KLHL8: variants seen among roughly 807,000 people sequenced by gnomAD.
KLHL8 encodes kelch like family member 8, also known as kelch-like protein 8.
Under a neutral mutation model 63.5 loss-of-function variants are expected in KLHL8, and 38 were observed. That is an observed-to-expected ratio of 0.60 (90% CI 0.46 to 0.78). The LOEUF is 0.78. KLHL8 is among the 30% of genes least tolerant of loss of function. The pLI, the probability that KLHL8 is intolerant of heterozygous loss-of-function variation, is 0.00. For synonymous variants in KLHL8, 224 were observed against 254.3 expected, an observed-to-expected ratio of 0.88 and a Z score of 1.13; for missense variants, 566 against 752.4, an observed-to-expected ratio of 0.75 and a Z score of 2.90.
chr4:87,163,822 T>A, intron 9 of KLHL8, 56 bp downstream of exon 9: 4 of 1,564,020 alleles, frequency 2.6e-6, no homozygotes, highest in Non-Finnish European at 3.5e-6. Flanking sequence ...CACTCTGAAG[T>A]AATCTACTAT....
upstream of KLHL8, among the ~76,000 whole-genome samples, chr4:87,223,514 C>T (rs138012422): frequency 1.1e-3 from 163 of 152,200 alleles, no homozygotes; most frequent in African/African-American, 3.5e-3. Flanking sequence ...TGAATAGTCC[C>T]TGCTCTCATG....
At chr4:87,207,588 T>A in intron 1 of KLHL8, 1 of 1,198,706 alleles carries the variant, frequency 8.3e-7, no homozygotes, top group Non-Finnish European at 1.2e-6. Flanking sequence ...ATGACAACTT[T>A]GGTATCGTGG....
chr4:87,194,959 T>C (rs1731636483), intron 2 of KLHL8, among the ~76,000 whole-genome samples: 1 of 152,200 alleles, frequency 6.6e-6, no homozygotes, highest in Non-Finnish European at 1.5e-5. Flanking sequence ...CTTACTTCTG[T>C]ATTCAGAGTA....
chr4:87,223,125 G>GTCTGT (rs1553950066), upstream of KLHL8, among the ~76,000 whole-genome samples: 1 of 147,712 alleles, frequency 6.8e-6, no homozygotes, highest in Non-Finnish European at 1.5e-5. Context: ...TAATTTTTTT[G>GTCTGT]TTTGTTTTGT....
At position 87,195,620 on chromosome 4, in the gene KLHL8, G is replaced by A; in HGVS notation, c.-81C>T. 2 of 1,149,550 alleles carry A rather than the reference G, an allele frequency of 1.7e-6. No individual in the cohort carries two copies. Among genetic ancestry groups the A allele is most frequent in the Non-Finnish European group, 2.6e-6 (2 of 779,706 alleles). The allele number at this position is 1,149,550 out of a possible 1,614,324, so 71.2% of individuals were successfully genotyped here. ...TTCAAAGGGTAGAGAGAAGGCAGAAGGTAGATGTAGACACTACAATTCAGA... is the reference window on the plus strand; with the variant it reads ...TTCAAAGGGTAGAGAGAAGGCAGAAAGTAGATGTAGACACTACAATTCAGA... On this transcript the variant is annotated 5_prime_UTR_variant, in exon 2 of 10. Coordinates refer to ENST00000273963, the MANE Select transcript of KLHL8 (RefSeq NM_020803.5).
intron 7 of KLHL8, 60 bp downstream of exon 7, chr4:87,170,387 C>T: frequency 6.6e-7 from 1 of 1,520,064 alleles, no homozygotes; most frequent in Non-Finnish European, 8.9e-7. Flanking sequence ...TGGACCTTTC[C>T]TTATTTTGGT....
At chr4:87,195,923 T>C (rs990775263) in intron 1 of KLHL8, among the ~76,000 whole-genome samples, 3 of 152,146 alleles carry the variant, frequency 2.0e-5, no homozygotes, top group Admixed American at 6.5e-5. Context: ...CACATGACTT[T>C]TGAGATGTGT....
At chr4:87,199,537 C>G (rs1437958620) in intron 1 of KLHL8, among the ~76,000 whole-genome samples, 1 of 150,298 alleles carries the variant, frequency 6.7e-6, no homozygotes, top group Non-Finnish European at 1.5e-5. Flanking sequence ...TTCTATGCAG[C>G]AAAACAATCA....
intron 1 of KLHL8, among the ~76,000 whole-genome samples, chr4:87,205,191 G>A (rs2110032107): frequency 6.6e-6 from 1 of 152,258 alleles, no homozygotes; most frequent in South Asian, 2.1e-4. Flanking sequence ...AGGATCGCTT[G>A]GGCCCAGGAG....
intron 1 of KLHL8, among the ~76,000 whole-genome samples, chr4:87,206,918 C>T (rs949987743): frequency 6.6e-6 from 1 of 152,120 alleles, no homozygotes; most frequent in Non-Finnish European, 1.5e-5. Flanking sequence ...TTAACAATAT[C>T]TATGTATTTG....
At chr4:87,221,392 T>TAAAAAAAAAAAAAAAAAA (rs71660123), upstream of KLHL8, 1 of 87,040 alleles carries the variant, frequency 1.1e-5, no homozygotes, top group Non-Finnish European at 2.1e-5. Flanking sequence ...AGACTCCGTC[T>TAAAAAAAAAAAAAAAAAA]AAAAAAAAAA....
upstream of KLHL8, among the ~76,000 whole-genome samples, chr4:87,240,495 T>C (rs890105932): frequency 2.0e-5 from 3 of 152,188 alleles, no homozygotes; most frequent in African/African-American, 7.2e-5. Context: ...GCATGAGTTA[T>C]CTTTTTGTTT....
chr4:87,210,982 AATACTT>A (rs1488766974), intron 1 of KLHL8, among the ~76,000 whole-genome samples: 2 of 152,314 alleles, frequency 1.3e-5, no homozygotes, highest in Admixed American at 6.5e-5. Context: ...CAAAATACTT[AATACTT>A]ATAAGTGCCT....
chr4:87,192,844 A>G (rs1731545530), intron 2 of KLHL8, among the ~76,000 whole-genome samples: 1 of 152,236 alleles, frequency 6.6e-6, no homozygotes, highest in South Asian at 2.1e-4. Context: ...CAGAATGGTA[A>G]CTATCTGCAT....
intron 3 of KLHL8, 124 bp from the exon 4 acceptor site, chr4:87,183,513 G>A (rs1300260828): frequency 1.4e-6 from 1 of 732,518 alleles, no homozygotes; most frequent in African/African-American, 1.8e-5. Flanking sequence ...ACTGCAGCAT[G>A]TTCTCTTTTT....
At position 87,162,608 on chromosome 4, in the gene KLHL8, T is replaced by C. The variant is rs1012605986; in HGVS notation, c.*911A>G. The C allele has an allele frequency of 6.6e-6, 1 of 152,020 alleles. No homozygotes were observed. The highest frequency in any genetic ancestry group is 2.4e-5 in the African/African-American group (1 of 41,394). 9.4% of individuals were successfully genotyped at this position (152,020 alleles called of 1,614,324 possible). ...ACCAGGATGGTGGCAAATAGCAAAA[T>C]AGAGAGATGATAAATCTTGGATCCA... On this transcript the variant is annotated 3_prime_UTR_variant, in exon 10 of 10. Coordinates refer to ENST00000273963, the MANE Select transcript of KLHL8 (RefSeq NM_020803.5).
chr4:87,170,649 A>G (rs1560691725), intron 6 of KLHL8, 34 bp from the exon 7 acceptor site: 5 of 1,573,376 alleles, frequency 3.2e-6, no homozygotes, highest in Non-Finnish European at 4.3e-6. Context: ...TTAGCAAATG[A>G]GTTTGTTTCC....
In KLHL8 at chr4:87,164,083, T is replaced by C. The variant is rs765895305; in HGVS notation, c.1538-4A>G. 1.9e-6 allele frequency: 3 copies of C among 1,611,018 alleles called. No individual in the cohort carries two copies. Among genetic ancestry groups the C allele is most frequent in the African/African-American group, 1.3e-5 (1 of 74,862 alleles). ...GGAGAATTATCATCAAAACCACCTA[T>C]GTAAAGAAATATTTTAAAAACAGCA... On this transcript the variant is annotated splice_polypyrimidine_tract_variant and splice_region_variant and intron_variant, in intron 8 of 9. Transcript: ENST00000273963.
chr4:87,204,359 C>T (rs1438748711), intron 1 of KLHL8, among the ~76,000 whole-genome samples: 4 of 150,126 alleles, frequency 2.7e-5, no homozygotes, highest in Admixed American at 1.3e-4. Context: ...CTGCTGGTGG[C>T]AATGCAAAAC....
Sources: allele counts gnomAD v4.1 joint callset (sites outside exome capture counted in the v4.1 genomes callset), GRCh38; gene constraint gnomAD v4.1.1; transcripts MANE v1.5; gene names NCBI Gene and HGNC (gene_info 2026-07-23, HGNC 2026-07-21).